RBPJ: variants seen among roughly 807,000 people sequenced by gnomAD.
The protein encoded by RBPJ is recombination signal binding protein for immunoglobulin kappa J region.
Under a neutral mutation model 67.8 loss-of-function variants are expected in RBPJ, and 9 were observed. The ratio of observed to expected loss-of-function variants is 0.13; its 90% CI spans 0.08 to 0.23. The LOEUF (loss-of-function observed/expected upper bound fraction) is 0.23, where lower values mean the gene tolerates loss of function less well. RBPJ is among the 10% of genes least tolerant of loss of function. RBPJ has a pLI of 1.00. For synonymous variants in RBPJ, 198 were observed against 203.3 expected, an observed-to-expected ratio of 0.97 and a Z score of 0.22; for missense variants, 305 against 595.6, an observed-to-expected ratio of 0.51 and a Z score of 5.08.
At chr4:26,393,090 G>A (rs977516414) in intron 2 of RBPJ, among the ~76,000 whole-genome samples, 2 of 152,104 alleles carry the variant, frequency 1.3e-5, no homozygotes, top group East Asian at 1.9e-4. Flanking sequence ...AAAGTGATCC[G>A]CCTGCCTTGG....
rs529267562 is a variant in RBPJ at position 26,414,678 on chromosome 4, G to T, written c.156-797G>T. Among the ~76,000 whole-genome samples, 7 of 152,262 alleles carry T rather than the reference G, an allele frequency of 4.6e-5. No homozygotes were observed. The South Asian group carries it at 1.4e-3, about 32-fold the overall frequency. ...CTGAACTATGTAAAATATGAGCCTT[G>T]AGCTAGGCTTTGCAATAGATAATAT... On this transcript the variant is annotated intron_variant, in intron 3 of 10. Transcript: ENST00000355476.
At chr4:26,365,366 T>A (rs1380999770) in intron 1 of RBPJ, among the ~76,000 whole-genome samples, 3 of 152,194 alleles carry the variant, frequency 2.0e-5, no homozygotes, top group Non-Finnish European at 4.4e-5. Context: ...TGCTACTTTA[T>A]CCATGATCAT....
intron 1 of RBPJ, among the ~76,000 whole-genome samples, chr4:26,259,081 C>T (rs1489793162): frequency 1.3e-5 from 2 of 152,020 alleles, no homozygotes; most frequent in South Asian, 2.1e-4. Context: ...GGATTACAGG[C>T]GTGAGCCACC....
At chr4:26,306,065 G>A (rs1395631289) in intron 1 of RBPJ, among the ~76,000 whole-genome samples, 1 of 151,762 alleles carries the variant, frequency 6.6e-6, no homozygotes, top group Admixed American at 6.6e-5. Context: ...GATTACAGAT[G>A]TAAGCCACCG....
chr4:26,300,700 G>A (rs1560251639), intron 1 of RBPJ, among the ~76,000 whole-genome samples: 1 of 152,004 alleles, frequency 6.6e-6, no homozygotes, highest in East Asian at 1.9e-4. Context: ...CTCTATACTC[G>A]AATACTTGAA....
At chr4:26,356,619 T>C (rs1013220667) in intron 1 of RBPJ, among the ~76,000 whole-genome samples, 2 of 152,252 alleles carry the variant, frequency 1.3e-5, no homozygotes, top group African/African-American at 4.8e-5. Flanking sequence ...AGTTCTTTTC[T>C]TATCAGTGTA....
chr4:26,393,986 C>G (rs1054603046), intron 2 of RBPJ, among the ~76,000 whole-genome samples: 8 of 151,382 alleles, frequency 5.3e-5, no homozygotes, highest in Non-Finnish European at 7.4e-5. Flanking sequence ...TTGATTAAGG[C>G]TCGTTAATAA....
At chr4:26,317,896 C>T (rs1204629990), upstream of RBPJ, among the ~76,000 whole-genome samples, 1 of 152,030 alleles carries the variant, frequency 6.6e-6, no homozygotes, top group African/African-American at 2.4e-5. Flanking sequence ...TTCCCAAGGT[C>T]GCTGGGGCTC....
intron 1 of RBPJ, among the ~76,000 whole-genome samples, chr4:26,206,392 T>C (rs150158020): frequency 6.6e-6 from 1 of 152,192 alleles, no homozygotes; most frequent in Non-Finnish European, 1.5e-5. Flanking sequence ...GATTTATTCC[T>C]CCCCCTCCCA....
At chr4:26,130,051 AG>A in the RBPJ span, among the ~76,000 whole-genome samples, 2 of 151,954 alleles carry the variant, frequency 1.3e-5, no homozygotes, top group African/African-American at 4.8e-5. Context: ...TAGTAGAGAC[AG>A]GGTTTCACCA....
At chr4:26,224,648 G>A (rs964687641) in intron 1 of RBPJ, among the ~76,000 whole-genome samples, 13 of 151,536 alleles carry the variant, frequency 8.6e-5, no homozygotes, top group African/African-American at 2.9e-4. Flanking sequence ...ATGAGCCACC[G>A]CACCCTGCCC....
At chr4:26,133,383 G>A in the RBPJ span, among the ~76,000 whole-genome samples, 1 of 152,170 alleles carries the variant, frequency 6.6e-6, no homozygotes, top group Non-Finnish European at 1.5e-5. Flanking sequence ...AGACCAGCCT[G>A]AGCAACAGGC....
At chr4:26,210,807 C>CT (rs766758688) in intron 1 of RBPJ, among the ~76,000 whole-genome samples, 3 of 131,848 alleles carry the variant, frequency 2.3e-5, no homozygotes, top group East Asian at 2.3e-4. Flanking sequence ...TTCTTTCTTT[C>CT]TTTTCTCCTG....
the RBPJ span, among the ~76,000 whole-genome samples, chr4:26,146,647 A>G: frequency 2.6e-5 from 4 of 152,198 alleles, no homozygotes; most frequent in Admixed American, 2.6e-4. Flanking sequence ...TCCTGCTCTC[A>G]TGGGGTTTAT....
intron 1 of RBPJ, among the ~76,000 whole-genome samples, chr4:26,282,342 T>C (rs937025844): frequency 1.3e-5 from 2 of 152,132 alleles, no homozygotes; most frequent in Non-Finnish European, 2.9e-5. Flanking sequence ...TATTCTTGAA[T>C]CTTAATTTCC....
chr4:26,242,250 A>AT (rs1404667800), intron 1 of RBPJ, among the ~76,000 whole-genome samples: 1 of 152,066 alleles, frequency 6.6e-6, no homozygotes, highest in African/African-American at 2.4e-5. Context: ...GATCGAGACC[A>AT]TCCTGGCTAA....
chr4:26,120,052 A>T, the RBPJ span, among the ~76,000 whole-genome samples: 19 of 152,244 alleles, frequency 1.2e-4, no homozygotes, highest in Non-Finnish European at 2.2e-4. Flanking sequence ...AATTTGAAAG[A>T]TGCTAAGAAG....
In RBPJ at chr4:26,214,982, AGGAG is replaced by A. The variant is rs1370608628; in HGVS notation, c.-167+51384_-167+51387del. 6.3e-4 allele frequency among the ~76,000 whole-genome samples: 21 copies of A among 33,268 alleles called. 1 individual carries two copies. Among genetic ancestry groups the A allele is most frequent in the East Asian group, 1.4e-3 (1 of 702 alleles). The allele number at this position is 33,268 out of a possible 152,430, so 21.8% of individuals were successfully genotyped here. A position where few individuals can be genotyped will look rare whatever the true frequency, so the allele number is the denominator to read the frequency against. On this transcript the variant is annotated intron_variant, in intron 1 of 4. Transcript: ENST00000512351. ...AAGGAGGGAGGGAGGGAGGGAAGGA[AGGAG>A]GGAGGGAGGGAGGGAAGGAAGGAAG...
At chr4:26,122,667 G>A in the RBPJ span, among the ~76,000 whole-genome samples, 1 of 151,928 alleles carries the variant, frequency 6.6e-6, no homozygotes, top group African/African-American at 2.4e-5. Flanking sequence ...TAAGGAAGGA[G>A]TAACATATCC....
Sources: gnomAD v4.1 joint callset for allele counts (sites outside exome capture counted in the v4.1 genomes callset) on GRCh38, gnomAD v4.1.1 for gene constraint, MANE v1.5 for transcripts, NCBI Gene and HGNC (gene_info 2026-07-23, HGNC 2026-07-21) for gene names.